Variants in APPL2 observed in about 807,000 individuals in gnomAD.
APPL2 encodes adaptor protein, phosphotyrosine interacting with PH domain and leucine zipper 2.
Under a neutral mutation model 92.7 loss-of-function variants are expected in APPL2, and 84 were observed. The observed-to-expected ratio is 0.91, with a 90% confidence interval of 0.76 to 1.09. The LOEUF (loss-of-function observed/expected upper bound fraction) is 1.09. Ranked by LOEUF, APPL2 falls within the 50% of genes least tolerant of loss-of-function variation. APPL2 has a pLI of 0.00. For missense variants in APPL2, 736 were observed against 824.5 expected (o/e 0.89, Z 1.31); for synonymous variants, 291 against 291.0 (o/e 1.00, Z 0.00).
intron 8 of APPL2, 88 bp downstream of exon 8, chr12:105,206,973 C>G: frequency 1.3e-6 from 2 of 1,486,728 alleles, no homozygotes; most frequent in Middle Eastern, 4.7e-4. Context: ...TTTCTTTCTA[C>G]GACGATGCTT....
chr12:105,202,364 G>A (rs1198161106), intron 9 of APPL2, among the ~76,000 whole-genome samples: 1 of 152,194 alleles, frequency 6.6e-6, no homozygotes, highest in Non-Finnish European at 1.5e-5. Flanking sequence ...GACAAGAAGG[G>A]AAGACAGAGG....
chr12:105,179,874 C>T (rs1217858218), intron 17 of APPL2, among the ~76,000 whole-genome samples: 20 of 152,078 alleles, frequency 1.3e-4, no homozygotes, highest in Admixed American at 1.3e-3. Context: ...GGATATTAGC[C>T]CTCTGTCAGA....
In APPL2 at chr12:105,190,927, G is replaced by A. The variant is rs754010548; in HGVS notation, c.1242-772C>T. ...GAATACTGTAATTTAACTTTTCAAC[G>A]TTTTAAAAATCTTTTCTCCTCAGCC... On this transcript the variant is annotated intron_variant, in intron 14 of 20. Coordinates refer to ENST00000258530, the MANE Select transcript of APPL2 (RefSeq NM_018171.5). 1.4e-3 allele frequency among the ~76,000 whole-genome samples: 215 copies of A among 152,222 alleles called. 2 individuals carry two copies. Among genetic ancestry groups the A allele is most frequent in the Admixed American group, 0.014 (210 of 15,294 alleles).
chr12:105,195,774 G>A, intron 11 of APPL2, 147 bp from the exon 12 acceptor site: 1 of 845,458 alleles, frequency 1.2e-6, no homozygotes, highest in South Asian at 1.5e-5. Flanking sequence ...GGGTTCCAGG[G>A]CCAGGTGCAG....
intron 17 of APPL2, among the ~76,000 whole-genome samples, chr12:105,185,510 G>A (rs576590584): frequency 2.6e-5 from 4 of 152,002 alleles, no homozygotes; most frequent in Admixed American, 6.5e-5. Flanking sequence ...GGAGTTCCCC[G>A]ACCCCTTGTG....
intron 2 of APPL2, among the ~76,000 whole-genome samples, chr12:105,223,522 T>C (rs183465608): frequency 2.2e-4 from 33 of 148,004 alleles, no homozygotes; most frequent in Non-Finnish European, 1.6e-4. Flanking sequence ...TCGAGGGGGG[T>C]GTTATTAACA....
intron 2 of APPL2, among the ~76,000 whole-genome samples, chr12:105,220,529 G>A (rs1187366181): frequency 6.6e-6 from 1 of 152,104 alleles, no homozygotes; most frequent in Non-Finnish European, 1.5e-5. Flanking sequence ...TCAGATCCCA[G>A]GAGCTTCTAC....
rs143187314 is a variant in APPL2, at chr12:105,230,712, C to G, written c.55-1489G>C. On this transcript the variant is annotated intron_variant, in intron 1 of 20. Transcript: ENST00000258530. Reference sequence around the variant, plus strand: ...TTACCTCCCACCACACATGCTCTACCCAGACTCTGCTCCAAAACTCTGATG... The same window carrying G: ...TTACCTCCCACCACACATGCTCTACGCAGACTCTGCTCCAAAACTCTGATG... 3.9e-5 allele frequency among the ~76,000 whole-genome samples: 6 copies of G among 152,322 alleles called. No individual in the cohort carries two copies. In the East Asian group the frequency reaches 1.2e-3, roughly 29 times the overall value.
At chr12:105,210,799 A>AG (rs11464890) in intron 5 of APPL2, among the ~76,000 whole-genome samples, 124,973 of 151,792 alleles carry the variant, frequency 0.82, 51,775 homozygotes, top group East Asian at 1. Flanking sequence ...CCTTTCTCCA[A>AG]ACCCCGCTTT....
chr12:105,225,308 A>G (rs1179980179), intron 2 of APPL2, among the ~76,000 whole-genome samples: 1 of 152,184 alleles, frequency 6.6e-6, no homozygotes, highest in Admixed American at 6.5e-5. Context: ...CCTGCCTGCC[A>G]GGAACATTAT....
chr12:105,218,878 C>G (rs904309175), intron 2 of APPL2, among the ~76,000 whole-genome samples: 2 of 152,214 alleles, frequency 1.3e-5, no homozygotes, highest in Non-Finnish European at 2.9e-5. Context: ...CTGTTTTGTG[C>G]CATTTTCACC....
chr12:105,233,759 T>A (rs998663824), intron 1 of APPL2, among the ~76,000 whole-genome samples: 1 of 152,244 alleles, frequency 6.6e-6, no homozygotes, highest in Non-Finnish European at 1.5e-5. Flanking sequence ...TTATGGTGTA[T>A]AATTCTAAGC....
At chr12:105,195,764 G>A (rs1411699852) in intron 11 of APPL2, 137 bp from the exon 12 acceptor site, 30 of 932,842 alleles carry the variant, frequency 3.2e-5, no homozygotes, top group Non-Finnish European at 5.0e-5. Context: ...AAAGAAAATG[G>A]GGTTCCAGGG....
chr12:105,194,603 A>G lies in APPL2; in HGVS notation c.1241+658T>C, dbSNP rs546554693. On this transcript the variant is annotated intron_variant, in intron 14 of 20. Transcript: ENST00000258530. ...CTACTCGGGAGGCTGAGGCAGGAGAATCACTTGAATCTGGGAAGTGGCGGT... is the reference window on the plus strand; with the variant it reads ...CTACTCGGGAGGCTGAGGCAGGAGAGTCACTTGAATCTGGGAAGTGGCGGT... Among the ~76,000 whole-genome samples the G allele has an allele frequency of 9.2e-5, 14 of 152,286 alleles. No homozygotes were observed. In the South Asian group the frequency reaches 2.7e-3, roughly 29 times the overall value.
At chr12:105,215,358 A>T (rs1314239038) in intron 4 of APPL2, among the ~76,000 whole-genome samples, 1 of 152,206 alleles carries the variant, frequency 6.6e-6, no homozygotes, top group East Asian at 1.9e-4. Context: ...GGGAAAACCC[A>T]CACATTTTGG....
At chr12:105,226,227 C>T (rs913195524) in intron 2 of APPL2, among the ~76,000 whole-genome samples, 2 of 152,114 alleles carry the variant, frequency 1.3e-5, no homozygotes, top group Admixed American at 1.3e-4. Flanking sequence ...AAAAACAAAA[C>T]GAAACACCTA....
chr12:105,203,830 G>C (rs1888456531), intron 8 of APPL2, 45 bp from the exon 9 acceptor site: 1 of 1,558,154 alleles, frequency 6.4e-7, no homozygotes, highest in Admixed American at 1.7e-5. Context: ...CCAGGGAAGT[G>C]ATCAGTGAAC....
At chr12:105,199,008 G>C (rs562236724) in intron 10 of APPL2, among the ~76,000 whole-genome samples, 57 of 152,340 alleles carry the variant, frequency 3.7e-4, no homozygotes, top group African/African-American at 1.3e-3. Context: ...CTTGCAGGTA[G>C]GTCTCCAGCA....
intron 20 of APPL2, among the ~76,000 whole-genome samples, chr12:105,175,572 A>T (rs752342529): frequency 1.3e-5 from 2 of 152,208 alleles, no homozygotes; most frequent in Admixed American, 6.5e-5. Context: ...GTCTTGTTCA[A>T]TTACACAAAC....
Sources: gnomAD v4.1 joint callset for allele counts (sites outside exome capture counted in the v4.1 genomes callset) on GRCh38, gnomAD v4.1.1 for gene constraint, MANE v1.5 for transcripts, NCBI Gene and HGNC (gene_info 2026-07-23, HGNC 2026-07-21) for gene names.